TUSC3: variants seen among roughly 807,000 people sequenced by gnomAD.
TUSC3 encodes tumor suppressor candidate 3.
A neutral mutation model predicts 44.8 loss-of-function variants in TUSC3; 45 were observed. The ratio of observed to expected loss-of-function variants is 1.00; its 90% CI spans 0.79 to 1.29. TUSC3 has a LOEUF of 1.29. TUSC3 is among the 50% of genes most tolerant of loss of function. The pLI, the probability that TUSC3 is intolerant of heterozygous loss-of-function variation, is 0.00. For missense variants in TUSC3, 519 were observed against 437.9 expected, an observed-to-expected ratio of 1.19 and a Z score of -1.65; for synonymous variants, 212 against 152.9, an observed-to-expected ratio of 1.39 and a Z score of -2.85.
chr8:15,608,056 C>T (rs138920987), intron 1 of TUSC3, among the ~76,000 whole-genome samples: 485 of 152,188 alleles, frequency 3.2e-3, no homozygotes, highest in Admixed American at 6.0e-3. Flanking sequence ...ACAATAAATG[C>T]CAGAGTAGTT....
intron 4 of TUSC3, among the ~76,000 whole-genome samples, chr8:15,660,811 T>A (rs1005955281): frequency 6.6e-6 from 1 of 151,854 alleles, no homozygotes; most frequent in Admixed American, 6.6e-5. Flanking sequence ...AAGGGTACTA[T>A]TGTTTCCTTA....
At chr8:15,747,197 G>GTTTATATATTGGAAAAAAT (rs1811452325) in intron 8 of TUSC3, among the ~76,000 whole-genome samples, 1 of 151,968 alleles carries the variant, frequency 6.6e-6, no homozygotes, top group South Asian at 2.1e-4. Context: ...ACTTGGTTTG[G>GTTTATATATTGGAAAAAAT]TTTATATATT....
the TUSC3 span, among the ~76,000 whole-genome samples, chr8:15,838,037 G>A: frequency 1.3e-5 from 2 of 151,304 alleles, no homozygotes; most frequent in African/African-American, 4.8e-5. Context: ...GCTAGTGGAT[G>A]GAGATAGCCA....
chr8:15,793,445 CTA>C, the TUSC3 span, among the ~76,000 whole-genome samples: 1 of 151,816 alleles, frequency 6.6e-6, no homozygotes, highest in African/African-American at 2.4e-5. Flanking sequence ...CTGCTCTGAC[CTA>C]TCTTCCCCCA....
intron 1 of TUSC3, among the ~76,000 whole-genome samples, chr8:15,462,176 A>G (rs1433266718): frequency 6.6e-6 from 1 of 152,080 alleles, no homozygotes; most frequent in African/African-American, 2.4e-5. Flanking sequence ...AGCATGTACC[A>G]TATACCAAGC....
At chr8:15,431,222 C>G (rs10087153) in intron 1 of TUSC3, among the ~76,000 whole-genome samples, 2 of 151,238 alleles carry the variant, frequency 1.3e-5, no homozygotes, top group Non-Finnish European at 2.9e-5. Context: ...TTTTTTTAAT[C>G]ACATTTTTTA....
At chr8:15,450,523 A>G (rs1004647823) in intron 1 of TUSC3, among the ~76,000 whole-genome samples, 3 of 152,068 alleles carry the variant, frequency 2.0e-5, no homozygotes, top group African/African-American at 2.4e-5. Context: ...ATCTCTAGTA[A>G]AAATACAAAA....
intron 2 of TUSC3, among the ~76,000 whole-genome samples, chr8:15,649,199 C>T (rs1806772983): frequency 6.6e-6 from 1 of 152,012 alleles, no homozygotes; most frequent in African/African-American, 2.4e-5. Flanking sequence ...TAAGGTTTTC[C>T]TCAAATACAT....
chr8:15,435,513 T>C (rs1799934729), intron 1 of TUSC3, among the ~76,000 whole-genome samples: 1 of 152,180 alleles, frequency 6.6e-6, no homozygotes, highest in Non-Finnish European at 1.5e-5. Flanking sequence ...AAATAGCATA[T>C]TATATAAAAC....
chr8:15,594,335 G>A (rs185750342), intron 1 of TUSC3, among the ~76,000 whole-genome samples: 1 of 152,198 alleles, frequency 6.6e-6, no homozygotes, highest in East Asian at 1.9e-4. Context: ...TAATGTGCTT[G>A]TCTGGTAATT....
chr8:15,704,810 A>C (rs1277656378), intron 6 of TUSC3, among the ~76,000 whole-genome samples: 1 of 151,996 alleles, frequency 6.6e-6, no homozygotes, highest in African/African-American at 2.4e-5. Flanking sequence ...AATAGGAAGG[A>C]TCGTTACTTC....
intron 1 of TUSC3, among the ~76,000 whole-genome samples, chr8:15,418,783 A>G (rs1352432652): frequency 6.6e-6 from 1 of 152,206 alleles, no homozygotes; most frequent in African/African-American, 2.4e-5. Flanking sequence ...AGGCAGGAGG[A>G]TTGCTTGAAG....
intron 2 of TUSC3, among the ~76,000 whole-genome samples, chr8:15,503,854 G>T (rs1323564094): frequency 6.6e-6 from 1 of 151,572 alleles, no homozygotes; most frequent in Admixed American, 6.6e-5. Flanking sequence ...ATACAAAAAT[G>T]GTAATGGCTC....
chr8:15,833,678 G>A, the TUSC3 span, among the ~76,000 whole-genome samples: 26,796 of 106,734 alleles, frequency 0.25, 2,521 homozygotes, highest in Admixed American at 0.38. Flanking sequence ...GAGACACTAG[G>A]ACCTAACAAA....
chr8:15,444,260 C>T (rs1761008665), intron 1 of TUSC3, among the ~76,000 whole-genome samples: 1 of 152,150 alleles, frequency 6.6e-6, no homozygotes, highest in Non-Finnish European at 1.5e-5. Context: ...CAAGACTCTT[C>T]ATGACACTTG....
At chr8:15,633,554 A>G (rs554003929) in intron 2 of TUSC3, among the ~76,000 whole-genome samples, 23 of 152,314 alleles carry the variant, frequency 1.5e-4, no homozygotes, top group African/African-American at 4.8e-4. Flanking sequence ...CTTTAATCCA[A>G]TATGACCGAT....
rs150836394 is a variant in TUSC3, at chr8:15,440,401, A to G, written n.91+23096A>G. Among the ~76,000 whole-genome samples the G allele has an allele frequency of 2.9e-3, 447 of 152,300 alleles. 3 individuals are homozygous for G. Among genetic ancestry groups the G allele is most frequent in the African/African-American group, 9.8e-3 (407 of 41,568 alleles). ...TGATTAGACAGTGTCTTGAGGATCT[A>G]TGCAGAATTTTGGTATTTTTCACAA... On this transcript the variant is annotated intron_variant and non_coding_transcript_variant, in intron 1 of 5. Transcript: ENST00000503191.
the TUSC3 span, among the ~76,000 whole-genome samples, chr8:15,821,759 G>A: frequency 6.7e-6 from 1 of 148,808 alleles, no homozygotes; most frequent in East Asian, 2.0e-4. Flanking sequence ...CACAGATATG[G>A]GTAATTTCCT....
chr8:15,695,497 GT>G (rs1218277632), intron 6 of TUSC3, among the ~76,000 whole-genome samples: 2 of 152,166 alleles, frequency 1.3e-5, no homozygotes, highest in African/African-American at 4.8e-5. Flanking sequence ...TTTATCAGCA[GT>G]GTGAAAACGG....
Sources: gnomAD v4.1 joint callset for allele counts (sites outside exome capture counted in the v4.1 genomes callset) on GRCh38, gnomAD v4.1.1 for gene constraint, MANE v1.5 for transcripts, NCBI Gene and HGNC (gene_info 2026-07-23, HGNC 2026-07-21) for gene names.